PTPRD: variants seen among roughly 807,000 people sequenced by gnomAD.
PTPRD encodes the protein receptor-type tyrosine-protein phosphatase delta.
A neutral mutation model predicts 214.5 loss-of-function variants in PTPRD; 34 were observed. The observed-to-expected ratio is 0.16, with a 90% CI of 0.12 to 0.21. PTPRD has a LOEUF of 0.21. PTPRD is among the 10% of genes least tolerant of loss of function. PTPRD has a pLI of 1.00. For synonymous variants in PTPRD, 1,128 were observed against 845.7 expected, an observed-to-expected ratio of 1.33 and a Z score of -5.79; for missense variants, 2,545 against 2,398.7, an observed-to-expected ratio of 1.06 and a Z score of -1.27.
chr9:9,714,750 G>A (rs546982798), intron 7 of PTPRD, among the ~76,000 whole-genome samples: 1 of 152,120 alleles, frequency 6.6e-6, no homozygotes, highest in African/African-American at 2.4e-5. Flanking sequence ...GTGGGTGGCA[G>A]AGCCCATGGA....
chr9:9,322,470 T>C (rs1055266142), intron 9 of PTPRD, among the ~76,000 whole-genome samples: 1 of 152,174 alleles, frequency 6.6e-6, no homozygotes, highest in Non-Finnish European at 1.5e-5. Flanking sequence ...GGAGTTTGAT[T>C]TCAGTGTACA....
At position 9,965,953 on chromosome 9, in the gene PTPRD, G is replaced by A. The variant is rs544268990; in HGVS notation, c.-471-27343C>T. ...TCAACAGATAATTGCATGTATGCAT[G>A]CTCTCTTTTGTTTGCTTTTGAGTAT... is the stretch of plus-strand genomic sequence containing the variant. On this transcript the variant is annotated intron_variant, in intron 4 of 45. Coordinates refer to ENST00000381196, the MANE Select transcript of PTPRD (RefSeq NM_002839.4). Among the ~76,000 whole-genome samples, 82 of 152,304 alleles carry A rather than the reference G, an allele frequency of 5.4e-4. 1 individual carries two copies. In the South Asian group the frequency reaches 0.016, roughly 30 times the overall value.
intron 9 of PTPRD, among the ~76,000 whole-genome samples, chr9:9,278,739 A>G (rs1270389097): frequency 1.3e-5 from 2 of 151,410 alleles, no homozygotes; most frequent in African/African-American, 4.8e-5. Flanking sequence ...TTTCTCATCT[A>G]GAACATGCAG....
Position 9,346,525 on chromosome 9 carries a change from G to T in PTPRD, c.-203+50924C>A, listed in dbSNP as rs926571134. ...ATGCTTATTTCCAAAAATTTGAAAA[G>T]ATGGAAGATTTATTTAAAGCCACTT... On this transcript the variant is annotated intron_variant, in intron 9 of 45. Transcript: ENST00000381196. Among the ~76,000 whole-genome samples the T allele has an allele frequency of 1.3e-5, 2 of 152,138 alleles. 1 individual carries two copies. Among genetic ancestry groups the T allele is most frequent in the Non-Finnish European group, 2.9e-5 (2 of 68,028 alleles).
At chr9:9,876,904 C>A (rs752284486) in intron 5 of PTPRD, among the ~76,000 whole-genome samples, 1 of 152,110 alleles carries the variant, frequency 6.6e-6, no homozygotes, top group Non-Finnish European at 1.5e-5. Context: ...TCATTCGTGT[C>A]ACATCAAATA....
At chr9:8,648,936 T>A (rs1431637831) in intron 12 of PTPRD, among the ~76,000 whole-genome samples, 1 of 152,218 alleles carries the variant, frequency 6.6e-6, no homozygotes, top group East Asian at 1.9e-4. Flanking sequence ...GATGTGCTGA[T>A]CATCATTAAA....
chr9:8,381,360 GGT>G (rs2085026168), intron 37 of PTPRD, among the ~76,000 whole-genome samples: 2 of 152,080 alleles, frequency 1.3e-5, no homozygotes, highest in African/African-American at 4.8e-5. Flanking sequence ...TATTTCTACA[GGT>G]TATAGTAACT....
intron 3 of PTPRD, among the ~76,000 whole-genome samples, chr9:10,099,102 T>A (rs987014364): frequency 6.6e-6 from 1 of 151,752 alleles, no homozygotes; most frequent in Admixed American, 6.6e-5. Context: ...TGCTCTTGAG[T>A]TCCATAGAAG....
At chr9:10,551,446 G>A (rs901784375) in intron 2 of PTPRD, among the ~76,000 whole-genome samples, 12 of 152,066 alleles carry the variant, frequency 7.9e-5, no homozygotes, top group African/African-American at 1.7e-4. Context: ...TGTTGAAATC[G>A]TGACCCTGAA....
At chr9:9,772,194 C>T (rs1258613079) in intron 5 of PTPRD, among the ~76,000 whole-genome samples, 4 of 152,076 alleles carry the variant, frequency 2.6e-5, no homozygotes, top group Non-Finnish European at 5.9e-5. Context: ...GAGAGATACA[C>T]AGAAGACAGA....
intron 5 of PTPRD, among the ~76,000 whole-genome samples, chr9:9,803,135 G>A (rs1481073906): frequency 4.0e-5 from 6 of 151,302 alleles, no homozygotes; most frequent in African/African-American, 1.2e-4. Flanking sequence ...TAAGCATTAC[G>A]CAAATAGAAA....
chr9:8,712,033 T>A (rs2098345051), intron 12 of PTPRD, among the ~76,000 whole-genome samples: 1 of 152,206 alleles, frequency 6.6e-6, no homozygotes, highest in African/African-American at 2.4e-5. Context: ...AATACATAAC[T>A]ATGCATCTGT....
intron 2 of PTPRD, among the ~76,000 whole-genome samples, chr9:10,492,579 A>G (rs1001076598): frequency 6.6e-6 from 1 of 151,934 alleles, no homozygotes; most frequent in South Asian, 2.1e-4. Flanking sequence ...TTTCTTGTAA[A>G]TTTGTTTACA....
At chr9:9,621,957 C>A (rs1307133649) in intron 7 of PTPRD, among the ~76,000 whole-genome samples, 1 of 152,158 alleles carries the variant, frequency 6.6e-6, no homozygotes, top group Non-Finnish European at 1.5e-5. Context: ...CTTAGGCATC[C>A]AGTCACCCAT....
chr9:8,401,744 G>A (rs970284819), intron 36 of PTPRD, among the ~76,000 whole-genome samples: 11 of 152,008 alleles, frequency 7.2e-5, no homozygotes, highest in African/African-American at 1.7e-4. Flanking sequence ...CAATCACTGC[G>A]GCCACTTCCA....
intron 12 of PTPRD, among the ~76,000 whole-genome samples, chr9:8,719,040 C>T (rs7866681): frequency 0.5 from 75,968 of 151,886 alleles, 19,263 homozygotes; most frequent in Non-Finnish European, 0.54. Flanking sequence ...CAATCTCAGG[C>T]TTCGAGACCC....
At chr9:9,703,366 C>G (rs2097538258) in intron 7 of PTPRD, among the ~76,000 whole-genome samples, 2 of 152,092 alleles carry the variant, frequency 1.3e-5, no homozygotes. Flanking sequence ...ATTATCAAAA[C>G]TCAAACTTTT....
intron 3 of PTPRD, among the ~76,000 whole-genome samples, chr9:10,051,021 T>C (rs1236333840): frequency 1.3e-5 from 2 of 152,250 alleles, no homozygotes; most frequent in South Asian, 2.1e-4. Context: ...CTATGCTAAA[T>C]GTACTTTAAG....
chr9:9,984,102 CATG>C (rs1439251672), intron 4 of PTPRD, among the ~76,000 whole-genome samples: 3 of 151,780 alleles, frequency 2.0e-5, no homozygotes, highest in Non-Finnish European at 4.4e-5. Flanking sequence ...TTTAAAAAAT[CATG>C]ATTATTACAA....
Sources: allele counts gnomAD v4.1 joint callset (sites outside exome capture counted in the v4.1 genomes callset), GRCh38; gene constraint gnomAD v4.1.1; transcripts MANE v1.5; gene names NCBI Gene and HGNC (gene_info 2026-07-23, HGNC 2026-07-21).